The following DCT variants were observed in gnomAD, a reference collection of about 807,000 sequenced individuals.
DCT encodes the protein L-dopachrome tautomerase.
Under a neutral mutation model 53.0 loss-of-function variants are expected in DCT, and 47 were observed. The observed-to-expected ratio is 0.89, with a 90% CI of 0.70 to 1.13. The LOEUF (loss-of-function observed/expected upper bound fraction) is 1.13. DCT is among the 50% of genes most tolerant of loss of function. The pLI is 0.00. For synonymous variants in DCT, 244 were observed against 237.0 expected (o/e 1.03, Z -0.27); for missense variants, 669 against 637.4 (o/e 1.05, Z -0.53).
the DCT span, among the ~76,000 whole-genome samples, chr13:94,502,487 C>CT: frequency 2.0e-5 from 3 of 152,298 alleles, no homozygotes; most frequent in East Asian, 5.8e-4. Context: ...TCCACCTGCT[C>CT]TTTTTCCATT....
At chr13:94,447,476 TG>T (rs1408346452) in intron 6 of DCT, among the ~76,000 whole-genome samples, 2 of 152,232 alleles carry the variant, frequency 1.3e-5, no homozygotes, top group Non-Finnish European at 2.9e-5. Flanking sequence ...ATCCACCTGC[TG>T]TGTGGCCCAG....
chr13:94,538,885 G>A, the DCT span, among the ~76,000 whole-genome samples: 1 of 152,004 alleles, frequency 6.6e-6, no homozygotes, highest in Non-Finnish European at 1.5e-5. Flanking sequence ...CTATCTGTGC[G>A]GTTTGGCTCT....
chr13:94,468,855 G>C lies in DCT; in HGVS notation c.486C>G (p.His162Gln). 1 of 1,614,244 alleles carries C rather than the reference G, an allele frequency of 6.2e-7. No homozygotes were observed. Among genetic ancestry groups the C allele is most frequent in the Non-Finnish European group, 8.5e-7 (1 of 1,180,042 alleles). Residue 162 changes from histidine to glutamine, a missense_variant, in exon 2 of 8, where the codon CAC (histidine) becomes CAG (glutamine). Transcript: ENST00000377028. ...VHPDYVITTQ[H>Q]WLGLLGPNGT... ...CATTGGGCCCAAGCAGGCCCAGCCA[G>C]TGTTGTGTGGTGATCACGTAGTCGG...
At chr13:94,450,809 C>T (rs1883029849) in intron 6 of DCT, among the ~76,000 whole-genome samples, 1 of 152,190 alleles carries the variant, frequency 6.6e-6, no homozygotes, top group African/African-American at 2.4e-5. Context: ...TAAGCTACCT[C>T]TCAGGCCATT....
At position 94,449,170 on chromosome 13, in the gene DCT, T is replaced by C. The variant is rs191494289; in HGVS notation, c.1180-5533A>G. On this transcript the variant is annotated intron_variant, in intron 6 of 7. Coordinates refer to ENST00000377028, the MANE Select transcript of DCT (RefSeq NM_001922.5). ...CATGGGCTTTCAAGGTAAAGATTTT[T>C]CATGTAACCCATGCAGGAGAAAGTA... Among the ~76,000 whole-genome samples, 957 of 152,140 alleles carry C rather than the reference T, an allele frequency of 6.3e-3. 8 individuals are homozygous for C. The highest frequency in any genetic ancestry group is 0.031 in the Middle Eastern group (9 of 294).
At chr13:94,441,057 A>C (rs1433817776) in intron 7 of DCT, among the ~76,000 whole-genome samples, 2 of 152,112 alleles carry the variant, frequency 1.3e-5, no homozygotes, top group African/African-American at 4.8e-5. Context: ...AACTGTTCTT[A>C]AATTCAGCTC....
the DCT span, among the ~76,000 whole-genome samples, chr13:94,527,044 CG>C: frequency 6.6e-6 from 1 of 152,130 alleles, no homozygotes; most frequent in African/African-American, 2.4e-5. Flanking sequence ...GAGATTGACC[CG>C]CAACACTGCA....
intron 6 of DCT, among the ~76,000 whole-genome samples, chr13:94,455,998 G>T (rs182547254): frequency 1.6e-4 from 24 of 152,338 alleles, no homozygotes; most frequent in Non-Finnish European, 1.2e-4. Context: ...TGAGAAAGCA[G>T]ACACCAGAAA....
intron 7 of DCT, among the ~76,000 whole-genome samples, chr13:94,442,333 G>T (rs564638566): frequency 1.3e-5 from 2 of 152,148 alleles, no homozygotes; most frequent in Admixed American, 6.5e-5. Context: ...TTGAAACAGG[G>T]TCTCACTCTG....
chr13:94,484,078 C>G (rs1885560771), upstream of DCT, among the ~76,000 whole-genome samples: 1 of 152,218 alleles, frequency 6.6e-6, no homozygotes, highest in Non-Finnish European at 1.5e-5. Context: ...ATTTCTTATG[C>G]AGCTGCACAT....
chr13:94,505,626 A>T, the DCT span, among the ~76,000 whole-genome samples: 70 of 152,350 alleles, frequency 4.6e-4, no homozygotes, highest in African/African-American at 1.6e-3. Flanking sequence ...CATTCTACAT[A>T]ATCAGAGTTG....
In DCT at chr13:94,438,477, C is replaced by T. The variant is rs1406585240; in HGVS notation, c.*1421G>A. On this transcript the variant is annotated 3_prime_UTR_variant, in exon 8 of 8. Transcript: ENST00000377028. ...ACTGGTTCTTGATGAGTCTTGCACC[C>T]TCTAGGACCCCTTATGTTGAAGGCA... The T allele has an allele frequency of 4.9e-6, 2 of 411,330 alleles. No individual in the cohort carries two copies. The highest frequency in any genetic ancestry group is 9.7e-6 in the Non-Finnish European group (2 of 207,140). The allele number at this position is 411,330 out of a possible 1,614,324, so 25.5% of individuals were successfully genotyped here. A position where few individuals can be genotyped will look rare whatever the true frequency, so the allele number is the denominator to read the frequency against.
chr13:94,440,039 G>C lies in DCT; in HGVS notation c.1419C>G (p.Leu473=), dbSNP rs150399961. The change falls in exon 8 of 8, where the codon CTC becomes CTG. Residue 473 remains leucine, a synonymous_variant. Transcript: ENST00000377028. The part of the protein sequence containing the change: ...VEETPGWPTT[L]LVVMGTLVAL... ...CCACCAGTGTTCCCATGACTACTAA[G>C]AGAGTTGTGGGCCAACCTGGAGTTT... 1.7e-5 allele frequency: 27 copies of C among 1,614,078 alleles called. No homozygotes were observed. In the African/African-American group the frequency reaches 3.3e-4, roughly 20 times the overall value.
Position 94,466,588 on chromosome 13 carries a change from G to T in DCT, c.666C>A (p.Tyr222Ter). ...QGPAFVTWHRYHLLCLERDLQ... is the reference protein window; with the variant it reads ...QGPAFVTWHR ...GATCTCTTTCCAGACACAACAAATG[G>T]TACCGGTGCCAGGTAACAAATGCAG... The change falls in exon 3 of 8, where the codon TAC (tyrosine) becomes TAA (stop). Residue 222 changes from tyrosine to a stop codon, truncating the protein, a stop_gained. Coordinates refer to ENST00000377028, the MANE Select transcript of DCT (RefSeq NM_001922.5). LOFTEE classifies it high-confidence loss of function. The T allele has an allele frequency of 6.2e-7, 1 of 1,611,530 alleles. No individual in the cohort carries two copies. The highest frequency in any genetic ancestry group is 8.5e-7 in the Non-Finnish European group (1 of 1,178,602).
At chr13:94,472,266 A>T (rs1398181662) in intron 1 of DCT, among the ~76,000 whole-genome samples, 2 of 151,786 alleles carry the variant, frequency 1.3e-5, no homozygotes, top group Non-Finnish European at 2.9e-5. Context: ...ACTATCTAAA[A>T]GGTAGCCAAC....
In DCT at chr13:94,465,653, G is replaced by A. The variant is rs774835333; in HGVS notation, c.843C>T (p.Ser281=). Residue 281 remains serine (S), a synonymous_variant, in exon 4 of 8, where the codon AGC becomes AGT. Coordinates refer to ENST00000377028, the MANE Select transcript of DCT (RefSeq NM_001922.5). ...TLISRNSRFS[S]WETVCDSLDD... ...ATTACCTATCACAGACAGTTTCCCA[G>A]CTGGAGAATCTTGAGTTCCGACTAA... is the stretch of plus-strand genomic sequence containing the variant. 16 of 1,613,370 alleles carry A rather than the reference G, an allele frequency of 9.9e-6. No homozygotes were observed. In the East Asian group the frequency reaches 3.6e-4, roughly 36 times the overall value.
chr13:94,452,976 T>C (rs55855830), intron 6 of DCT, among the ~76,000 whole-genome samples: 8,293 of 152,266 alleles, frequency 0.054, 327 homozygotes, highest in Non-Finnish European at 0.084. Context: ...ACGGACTTCA[T>C]TTTATACATT....
chr13:94,481,173 T>C (rs985278638), upstream of DCT, among the ~76,000 whole-genome samples: 8 of 152,252 alleles, frequency 5.3e-5, no homozygotes, highest in Non-Finnish European at 7.3e-5. Context: ...AGGACACTTA[T>C]TGGATGTAGA....
At chr13:94,533,846 G>A in the DCT span, among the ~76,000 whole-genome samples, 2 of 152,108 alleles carry the variant, frequency 1.3e-5, no homozygotes, top group Non-Finnish European at 2.9e-5. Context: ...TTGGCCAGTA[G>A]GTCATTGAAA....
Sources: allele counts gnomAD v4.1 joint callset (sites outside exome capture counted in the v4.1 genomes callset), GRCh38; gene constraint gnomAD v4.1.1; transcripts MANE v1.5; gene names NCBI Gene and HGNC (gene_info 2026-07-23, HGNC 2026-07-21).